LRP5: variants seen among roughly 807,000 people sequenced by gnomAD.
LRP5 encodes the protein LDL receptor related protein 5.
LRP5 carries 62 observed loss-of-function variants against 154.1 expected under a neutral mutation model. That is an observed-to-expected ratio of 0.40 (90% CI 0.33 to 0.50). The LOEUF (loss-of-function observed/expected upper bound fraction) is 0.50, where lower values mean the gene tolerates loss of function less well. Ranked by LOEUF, LRP5 falls within the 20% of genes least tolerant of loss-of-function variation. LRP5 has a pLI of 0.55. For synonymous variants in LRP5, 966 were observed against 1,011.5 expected (o/e 0.96, Z 0.85); for missense variants, 1,915 against 2,336.7 (o/e 0.82, Z 3.72).
chr11:68,410,048 C>G lies in LRP5; in HGVS notation c.2226C>G (p.Ile742Met). Residue 742 changes from isoleucine (I) to methionine (M), a missense_variant, in exon 10 of 23, where the codon ATC becomes ATG. Ile to Met is a conservative substitution (Grantham distance 10, BLOSUM62 1). Transcript: ENST00000294304. ...LYWADTGTNR[I>M]EVARLDGQFR... ...GGGCCGACACTGGGACCAACAGAAT[C>G]GAAGTGGCGCGGCTGGACGGGCAGT... The G allele has an allele frequency of 6.2e-7, 1 of 1,614,052 alleles. No homozygotes were observed. Among genetic ancestry groups the G allele is most frequent in the Non-Finnish European group, 8.5e-7 (1 of 1,179,998 alleles).
At chr11:68,319,146 G>A (rs2098595281) in intron 1 of LRP5, among the ~76,000 whole-genome samples, 1 of 149,688 alleles carries the variant, frequency 6.7e-6, no homozygotes, top group African/African-American at 2.5e-5. Context: ...GCACGATCTC[G>A]GCTCACTGTA....
chr11:68,404,673 C>T (rs75198554), intron 8 of LRP5, among the ~76,000 whole-genome samples: 2 of 152,080 alleles, frequency 1.3e-5, no homozygotes, highest in African/African-American at 4.8e-5. Flanking sequence ...TTTAAAAACG[C>T]GTTCATGCTG....
chr11:68,414,034 G>A (rs761907039), intron 12 of LRP5, 22 bp downstream of exon 12: 18 of 1,595,284 alleles, frequency 1.1e-5, no homozygotes, highest in African/African-American at 4.0e-5. Flanking sequence ...ATGGTCCCCC[G>A]CACCTCACTC....
At chr11:68,422,575 A>G (rs1436401138) in intron 13 of LRP5, among the ~76,000 whole-genome samples, 1 of 152,164 alleles carries the variant, frequency 6.6e-6, no homozygotes, top group Admixed American at 6.5e-5. Context: ...GCCCAGGCTC[A>G]TCCCTGAGAT....
At chr11:68,316,381 C>T (rs1289866057) in intron 1 of LRP5, among the ~76,000 whole-genome samples, 10 of 152,084 alleles carry the variant, frequency 6.6e-5, no homozygotes, top group African/African-American at 2.4e-4. Flanking sequence ...AAGTGATTCT[C>T]CTGCCTCAGG....
upstream of LRP5, among the ~76,000 whole-genome samples, chr11:68,311,079 T>C (rs1231632555): frequency 6.6e-6 from 1 of 152,078 alleles, no homozygotes; most frequent in Non-Finnish European, 1.5e-5. Context: ...CAGGTGGCAG[T>C]AGTAGAAGTG....
intron 21 of LRP5, among the ~76,000 whole-genome samples, chr11:68,441,700 G>T (rs1355570066): frequency 6.6e-6 from 1 of 152,130 alleles, no homozygotes; most frequent in Non-Finnish European, 1.5e-5. Context: ...TCTTAATCAG[G>T]CAATAAGAGA....
At chr11:68,318,270 G>A (rs375977087) in intron 1 of LRP5, among the ~76,000 whole-genome samples, 1 of 151,020 alleles carries the variant, frequency 6.6e-6, no homozygotes, top group African/African-American at 2.4e-5. Context: ...TAGCCAGGAT[G>A]GTCTCCATCT....
intron 5 of LRP5, among the ~76,000 whole-genome samples, chr11:68,374,911 T>C (rs2098636504): frequency 1.3e-5 from 2 of 152,234 alleles, no homozygotes; most frequent in Admixed American, 6.5e-5. Context: ...GGGTGAATGC[T>C]GTGGGCGCCT....
upstream of LRP5, among the ~76,000 whole-genome samples, chr11:68,308,052 G>A (rs1287843522): frequency 1.3e-5 from 2 of 152,230 alleles, no homozygotes; most frequent in Admixed American, 6.5e-5. Context: ...ACTGTAGGCC[G>A]ATGGCGGCCT....
chr11:68,372,981 CCCA>C lies in LRP5; in HGVS notation c.1015+7280_1015+7282del, dbSNP rs2098635138. Reference sequence around the variant, plus strand: ...TCCAGAGTCCCCAGCCCCACCCCAACCCAACGCACCCACTCCACCAGAAGAAAC... The same window carrying C: ...TCCAGAGTCCCCAGCCCCACCCCAACACGCACCCACTCCACCAGAAGAAAC... On this transcript the variant is annotated intron_variant, in intron 5 of 22. Coordinates refer to ENST00000294304, the MANE Select transcript of LRP5 (RefSeq NM_002335.4). Among the ~76,000 whole-genome samples, 3 of 152,192 alleles carry C rather than the reference CCCA, an allele frequency of 2.0e-5. No individual in the cohort carries two copies. In the South Asian group the frequency reaches 6.2e-4, roughly 32 times the overall value.
intron 5 of LRP5, among the ~76,000 whole-genome samples, chr11:68,370,090 G>A (rs2153142928): frequency 6.6e-6 from 1 of 152,244 alleles, no homozygotes; most frequent in Non-Finnish European, 1.5e-5. Context: ...ACCTGGGGGA[G>A]TGGGCTGTCA....
intron 2 of LRP5, among the ~76,000 whole-genome samples, chr11:68,348,930 T>C (rs1341806459): frequency 1.3e-5 from 2 of 149,262 alleles, no homozygotes; most frequent in African/African-American, 5.0e-5. Flanking sequence ...GGCGACAAAG[T>C]GAGGAGATCC....
Position 68,423,811 on chromosome 11 carries a change from T to A in LRP5, c.3236+114T>A. ...GAGACTTTCCACCCTGGGGATCCAA[T>A]GGGTGGCTTTCCAGGGTCCCAAAAG... is the stretch of plus-strand genomic sequence containing the variant. On this transcript the variant is annotated intron_variant, in intron 14 of 22. Transcript: ENST00000294304. The surrounding 1 kb of genome is among the most constrained non-coding windows in gnomAD (Gnocchi z 4.7). 1 of 1,022,840 alleles carries A rather than the reference T, an allele frequency of 9.8e-7. No homozygotes were observed. Among genetic ancestry groups the A allele is most frequent in the Non-Finnish European group, 1.4e-6 (1 of 700,944 alleles). 63.4% of individuals were successfully genotyped at this position (1,022,840 alleles called of 1,614,324 possible). A position where few individuals can be genotyped will look rare whatever the true frequency, so the allele number is the denominator to read the frequency against.
intron 13 of LRP5, among the ~76,000 whole-genome samples, chr11:68,418,833 G>T (rs867398425): frequency 1.6e-4 from 25 of 152,300 alleles, no homozygotes; most frequent in African/African-American, 6.0e-4. Context: ...TGACTGTCAC[G>T]TGGAGTCCTT....
chr11:68,419,384 T>C (rs999885062), intron 13 of LRP5, among the ~76,000 whole-genome samples: 4 of 150,872 alleles, frequency 2.7e-5, no homozygotes, highest in East Asian at 2.0e-4. Context: ...AGGCATACAC[T>C]ACCACATCTG....
intron 7 of LRP5, among the ~76,000 whole-genome samples, chr11:68,402,684 G>A (rs542680833): frequency 1.2e-4 from 19 of 152,314 alleles, no homozygotes; most frequent in African/African-American, 4.6e-4. Context: ...GTTGCTCTGT[G>A]TGGTGGGTGT....
intron 18 of LRP5, among the ~76,000 whole-genome samples, chr11:68,434,611 C>G (rs1306633869): frequency 6.6e-6 from 1 of 152,172 alleles, no homozygotes; most frequent in Non-Finnish European, 1.5e-5. Flanking sequence ...AACTCCTGAC[C>G]TCAGGTGATC....
At chr11:68,362,175 A>G (rs2098628459) in intron 3 of LRP5, among the ~76,000 whole-genome samples, 1 of 152,164 alleles carries the variant, frequency 6.6e-6, no homozygotes, top group African/African-American at 2.4e-5. Flanking sequence ...CAGACATCAG[A>G]GGCTGTATAT....
Sources: gnomAD v4.1 joint callset for allele counts (sites outside exome capture counted in the v4.1 genomes callset) on GRCh38, gnomAD v4.1.1 for gene constraint, Gnocchi (gnomAD v3.1) non-coding constraint, MANE v1.5 for transcripts, NCBI Gene and HGNC (gene_info 2026-07-23, HGNC 2026-07-21) for gene names.